Variants in VAPB observed in about 807,000 individuals in gnomAD.
The protein encoded by VAPB is vesicle-associated membrane protein-associated protein B/C.
VAPB carries 7 observed loss-of-function variants against 25.6 expected under a neutral mutation model. The observed-to-expected ratio is 0.27, with a 90% CI of 0.16 to 0.51. The LOEUF is 0.51. Ranked by LOEUF, VAPB falls within the 20% of genes least tolerant of loss-of-function variation. VAPB has a pLI of 0.97. For synonymous variants in VAPB, 112 were observed against 109.2 expected (o/e 1.03, Z -0.16); for missense variants, 266 against 301.3 (o/e 0.88, Z 0.87).
In VAPB at chr20:58,451,002, A is replaced by G. The variant is rs1989434841; in HGVS notation, c.*6767A>G. On this transcript the variant is annotated 3_prime_UTR_variant, in exon 6 of 6. Transcript: ENST00000475243. The stretch of plus-strand genomic sequence containing the variant: ...TTTACAGCATGTTCTCCCATGTTCC[A>G]TTATCAGCCTGATGAAACCTGCCCT... The G allele has an allele frequency of 2.2e-6, 1 of 452,798 alleles. No homozygotes were observed. Among genetic ancestry groups the G allele is most frequent in the Non-Finnish European group, 4.4e-6 (1 of 225,942 alleles). 28.0% of individuals were successfully genotyped at this position (452,798 alleles called of 1,614,324 possible).
At chr20:58,401,752 T>C (rs111314753) in intron 1 of VAPB, among the ~76,000 whole-genome samples, 2,052 of 152,310 alleles carry the variant, frequency 0.013, 49 homozygotes, top group African/African-American at 0.047. Context: ...ACGTCACTTA[T>C]GTATGAACCC....
At chr20:58,414,136 C>T (rs1207171393) in intron 1 of VAPB, among the ~76,000 whole-genome samples, 2 of 127,158 alleles carry the variant, frequency 1.6e-5, no homozygotes, top group Non-Finnish European at 3.5e-5. Context: ...GCTGACGCCC[C>T]GACCTCCCTC....
chr20:58,412,590 A>AAAAAAAAAG (rs397761914), intron 1 of VAPB, among the ~76,000 whole-genome samples: 2 of 150,082 alleles, frequency 1.3e-5, no homozygotes, highest in East Asian at 2.0e-4. Context: ...AAAAAAAAAA[A>AAAAAAAAAG]GGTAAAATTA....
Position 58,444,399 on chromosome 20 carries a change from AC to A in VAPB, c.*165del. The stretch of plus-strand genomic sequence containing the variant: ...CACACACATACACAGATACACACAC[AC>A]AAATATAATGTAACGATCTTTTAGA... On this transcript the variant is annotated 3_prime_UTR_variant, in exon 6 of 6. Transcript: ENST00000475243. 1.1e-6 allele frequency: 1 copy of A among 934,334 alleles called. No homozygotes were observed. Among genetic ancestry groups the A allele is most frequent in the East Asian group, 2.5e-5 (1 of 40,346 alleles). The allele number at this position is 934,334 out of a possible 1,614,324, so 57.9% of individuals were successfully genotyped here.
rs961332191 is a variant in VAPB at position 58,427,010 on chromosome 20, A to C, written c.212-7592A>C. On this transcript the variant is annotated intron_variant, in intron 2 of 5. Transcript: ENST00000475243. ...AGGCGAAAGTGATCTGTGATCTTTTACCATTATGATGCAGGCGAAAGTGAC... is the reference window on the plus strand; with the variant it reads ...AGGCGAAAGTGATCTGTGATCTTTTCCCATTATGATGCAGGCGAAAGTGAC... Among the ~76,000 whole-genome samples the C allele has an allele frequency of 3.8e-4, 58 of 152,136 alleles. 1 individual carries two copies. Among genetic ancestry groups the C allele is most frequent in the Non-Finnish European group, 1.0e-4 (7 of 68,026 alleles).
chr20:58,435,530 G>A (rs765578028), intron 3 of VAPB, among the ~76,000 whole-genome samples: 1 of 152,164 alleles, frequency 6.6e-6, no homozygotes, highest in Non-Finnish European at 1.5e-5. Context: ...TCCACGGCAG[G>A]TCTGCCCACC....
intron 2 of VAPB, among the ~76,000 whole-genome samples, chr20:58,427,360 T>G (rs968161885): frequency 2.7e-5 from 4 of 150,512 alleles, no homozygotes; most frequent in Non-Finnish European, 4.4e-5. Flanking sequence ...ACCATTATGA[T>G]GCAGGTGAAG....
At chr20:58,425,531 G>C (rs1402787578) in intron 2 of VAPB, among the ~76,000 whole-genome samples, 1 of 152,226 alleles carries the variant, frequency 6.6e-6, no homozygotes, top group African/African-American at 2.4e-5. Flanking sequence ...GTCTCATTGG[G>C]GAGAAAAAGC....
At position 58,439,016 on chromosome 20, in the gene VAPB, T is replaced by C. The variant is rs1298716622; in HGVS notation, c.387T>C (p.Asn129=). 1.9e-6 allele frequency: 3 copies of C among 1,613,268 alleles called. No individual in the cohort carries two copies. The highest frequency in any genetic ancestry group is 2.2e-5 in the East Asian group (1 of 44,864). Reference sequence around the variant, plus strand: ...GTGTGTTTGAATTGCCAGCAGAGAATGATAAACCAGTAAGTATATTTATAG... The same window carrying C: ...GTGTGTTTGAATTGCCAGCAGAGAACGATAAACCAGTAAGTATATTTATAG... The part of the protein sequence containing the change: ...LRCVFELPAE[N]DKPHDVEINK... The change falls in exon 4 of 6, where the codon AAT becomes AAC. Residue 129 remains asparagine, a synonymous_variant. Coordinates refer to ENST00000475243, the MANE Select transcript of VAPB (RefSeq NM_004738.5).
At chr20:58,389,598 C>T in intron 1 of VAPB, 81 bp downstream of exon 1, 1 of 1,443,796 alleles carries the variant, frequency 6.9e-7, no homozygotes, top group South Asian at 1.3e-5. Context: ...CGGCGGGTGA[C>T]GTCGGCCCTC....
chr20:58,429,375 C>G (rs73915879), intron 2 of VAPB, among the ~76,000 whole-genome samples: 2,267 of 152,322 alleles, frequency 0.015, 60 homozygotes, highest in African/African-American at 0.05. Flanking sequence ...CGCCGGTGCT[C>G]TGTTAAAGTG....
At chr20:58,437,343 GATT>G (rs1989071401) in intron 3 of VAPB, among the ~76,000 whole-genome samples, 1 of 151,848 alleles carries the variant, frequency 6.6e-6, no homozygotes, top group African/African-American at 2.4e-5. Context: ...GGATTTATTT[GATT>G]ATTTCCTCAT....
In VAPB at chr20:58,389,414, A is replaced by G. The variant is rs776778031; in HGVS notation, c.-46A>G. On this transcript the variant is annotated 5_prime_UTR_variant, in exon 1 of 6. Coordinates refer to ENST00000475243, the MANE Select transcript of VAPB (RefSeq NM_004738.5). Reference sequence around the variant, plus strand: ...AGCATTAACGCTTCCCGCCCCGGTGACCTCTCAGGGGTCTCCCCGCCAAAG... The same window carrying G: ...AGCATTAACGCTTCCCGCCCCGGTGGCCTCTCAGGGGTCTCCCCGCCAAAG... 9 of 1,550,808 alleles carry G rather than the reference A, an allele frequency of 5.8e-6. No homozygotes were observed. In the African/African-American group the frequency reaches 1.3e-4, roughly 22 times the overall value.
Position 58,389,357 on chromosome 20 carries a change from C to A in VAPB, c.-103C>A. 2 of 1,115,360 alleles carry A rather than the reference C, an allele frequency of 1.8e-6. No homozygotes were observed. Among genetic ancestry groups the A allele is most frequent in the East Asian group, 5.2e-5 (1 of 19,324 alleles). The allele number at this position is 1,115,360 out of a possible 1,614,324, so 69.1% of individuals were successfully genotyped here. On this transcript the variant is annotated 5_prime_UTR_variant, in exon 1 of 6. Transcript: ENST00000475243. ...GACCCCCGCCCGTGCCCCGACCGGT[C>A]CCCGCCTTTTTGTAAAACTTAAAGC...
At chr20:58,427,245 C>G (rs1040645997) in intron 2 of VAPB, among the ~76,000 whole-genome samples, 3 of 145,266 alleles carry the variant, frequency 2.1e-5, no homozygotes, top group Non-Finnish European at 4.5e-5. Context: ...ATGATGCAGG[C>G]GAAAGTGATC....
chr20:58,398,575 C>G (rs1568698241), intron 1 of VAPB, among the ~76,000 whole-genome samples: 1 of 152,214 alleles, frequency 6.6e-6, no homozygotes, highest in East Asian at 1.9e-4. Context: ...AAAATGGGGA[C>G]AAGATATTTA....
rs143956272 is a variant in VAPB at position 58,450,075 on chromosome 20, C to T, written c.*5840C>T. The T allele has an allele frequency of 8.8e-6, 4 of 453,926 alleles. No homozygotes were observed. The highest frequency in any genetic ancestry group is 1.6e-5 in the South Asian group (1 of 64,484). 28.1% of individuals were successfully genotyped at this position (453,926 alleles called of 1,614,324 possible). On this transcript the variant is annotated 3_prime_UTR_variant, in exon 6 of 6. Transcript: ENST00000475243. ...GAGAAATGAGTGTGCACGTTTCACA[C>T]GTTGACTTGCCGGTTTTTCCATGTC...
intron 1 of VAPB, among the ~76,000 whole-genome samples, chr20:58,395,152 C>CTTTTTT: frequency 7.8e-6 from 1 of 128,568 alleles, no homozygotes. Context: ...CCAAAAGTGT[C>CTTTTTT]TTTTTTTTTT....
chr20:58,408,856 T>C (rs1462693811), intron 1 of VAPB, among the ~76,000 whole-genome samples: 1 of 151,134 alleles, frequency 6.6e-6, no homozygotes, highest in African/African-American at 2.4e-5. Context: ...GGCACTGTTC[T>C]AGTTTGGAGG....
Sources: allele counts gnomAD v4.1 joint callset (sites outside exome capture counted in the v4.1 genomes callset), GRCh38; gene constraint gnomAD v4.1.1; transcripts MANE v1.5; gene names NCBI Gene and HGNC (gene_info 2026-07-23, HGNC 2026-07-21).